The following MAN2A1 variants were observed in gnomAD, a reference collection of about 807,000 sequenced individuals.
MAN2A1 encodes the protein alpha-mannosidase 2.
MAN2A1 carries 76 observed loss-of-function variants against 142.6 expected under a neutral mutation model. That is an observed-to-expected ratio of 0.53 (90% confidence interval 0.44 to 0.65). The LOEUF is 0.65. Ranked by LOEUF, MAN2A1 falls within the 30% of genes least tolerant of loss-of-function variation. The probability of loss-of-function intolerance (pLI) is 0.00; values close to 1 mark genes in which losing one functional copy is unlikely to be tolerated. For missense variants in MAN2A1, 1,311 were observed against 1,365.1 expected, an observed-to-expected ratio of 0.96 and a Z score of 0.62; for synonymous variants, 559 against 473.2, an observed-to-expected ratio of 1.18 and a Z score of -2.35.
chr5:109,758,854 T>C (rs2112632763), intron 5 of MAN2A1, among the ~76,000 whole-genome samples: 1 of 152,048 alleles, frequency 6.6e-6, no homozygotes, highest in East Asian at 1.9e-4. Context: ...AAAAGATGAT[T>C]CTTTCCTCAC....
At chr5:109,694,122 G>T (rs1395510964) in intron 1 of MAN2A1, among the ~76,000 whole-genome samples, 1 of 152,144 alleles carries the variant, frequency 6.6e-6, no homozygotes, top group East Asian at 1.9e-4. Context: ...GTCAGGTTTT[G>T]TATAACAAAT....
intron 12 of MAN2A1, 132 bp downstream of exon 12, chr5:109,789,659 ATT>A: frequency 1.7e-6 from 1 of 604,290 alleles, no homozygotes; most frequent in Non-Finnish European, 2.9e-6. Context: ...TAAAAAATGG[ATT>A]TTCTTTCATG....
chr5:109,832,223 G>A (rs571833024), intron 16 of MAN2A1, among the ~76,000 whole-genome samples: 1 of 145,350 alleles, frequency 6.9e-6, no homozygotes, highest in Non-Finnish European at 1.5e-5. Context: ...TTCTCGGAGA[G>A]GGGGATTTGG....
At chr5:109,817,932 T>C (rs1761890426) in intron 13 of MAN2A1, among the ~76,000 whole-genome samples, 1 of 152,166 alleles carries the variant, frequency 6.6e-6, no homozygotes, top group Non-Finnish European at 1.5e-5. Context: ...GATATAATTG[T>C]GGAAAATCTG....
intron 1 of MAN2A1, among the ~76,000 whole-genome samples, chr5:109,708,434 G>A (rs572362331): frequency 6.6e-6 from 1 of 151,758 alleles, no homozygotes; most frequent in South Asian, 2.1e-4. Context: ...GGTACATGAA[G>A]TGGGTGGGGC....
Position 109,847,461 on chromosome 5 carries a change from T to C in MAN2A1, c.2843-196T>C, listed in dbSNP as rs1455262604. Among the ~76,000 whole-genome samples, 3 of 152,266 alleles carry C rather than the reference T, an allele frequency of 2.0e-5. No homozygotes were observed. The East Asian group carries it at 5.8e-4, about 29-fold the overall frequency. ...AAGAAACACAGAAATACTATCCTGT[T>C]TTATGAATTTGTAGTAGCTACTTTG... On this transcript the variant is annotated intron_variant, in intron 18 of 21. Transcript: ENST00000261483.
chr5:109,696,378 C>T (rs1483684860), intron 1 of MAN2A1, among the ~76,000 whole-genome samples: 3 of 152,174 alleles, frequency 2.0e-5, no homozygotes, highest in Admixed American at 6.5e-5. Context: ...GGATTACAGG[C>T]GTGAGCCTCT....
chr5:109,798,531 A>C (rs1225055571), intron 12 of MAN2A1, among the ~76,000 whole-genome samples: 2 of 152,200 alleles, frequency 1.3e-5, no homozygotes, highest in Non-Finnish European at 2.9e-5. Context: ...CAGATATGAC[A>C]GTTTTTTCAC....
rs1420498627 is a variant in MAN2A1 at position 109,847,688 on chromosome 5, C to T, written c.2874C>T (p.Leu958=). Residue 958 remains leucine, a synonymous_variant, in exon 19 of 22, where the codon CTC becomes CTT. Transcript: ENST00000261483. ...GQIEVIMDRR[L]MQDDNRGLEQ... ...TTGAAGTTATCATGGATCGAAGACTCATGCAAGATGATAATCGTGGCCTTG... is the reference window on the plus strand; with the variant it reads ...TTGAAGTTATCATGGATCGAAGACTTATGCAAGATGATAATCGTGGCCTTG... 3 of 1,591,506 alleles carry T rather than the reference C, an allele frequency of 1.9e-6. No individual in the cohort carries two copies. Among genetic ancestry groups the T allele is most frequent in the East Asian group, 4.6e-5 (2 of 43,464 alleles).
At chr5:109,697,692 A>G (rs2300990) in intron 1 of MAN2A1, among the ~76,000 whole-genome samples, 27,679 of 152,244 alleles carry the variant, frequency 0.18, 3,463 homozygotes, top group East Asian at 0.64. Flanking sequence ...CACAAAACCT[A>G]AAATATTTAC....
At chr5:109,771,170 T>C (rs947510522) in intron 7 of MAN2A1, among the ~76,000 whole-genome samples, 3 of 152,208 alleles carry the variant, frequency 2.0e-5, no homozygotes, top group Non-Finnish European at 4.4e-5. Context: ...AACTTACATG[T>C]AGTTTCTAAT....
In MAN2A1 at chr5:109,774,879, T is replaced by A; in HGVS notation, c.1288T>A (p.Cys430Ser). ...LAPLGDDFRY[C>S]EYTEWDLQFK... ...TCCACTAGGAGATGATTTCCGCTAC[T>A]GTGAATACACGGAATGGGATTTACA... Residue 430 changes from cysteine to serine, a missense_variant, in exon 8 of 22, where the codon TGT (cysteine) becomes AGT (serine). By Grantham distance (112) the Cys-to-Ser change is moderately radical. Transcript: ENST00000261483. The A allele has an allele frequency of 6.2e-7, 1 of 1,612,636 alleles. No individual in the cohort carries two copies. The highest frequency in any genetic ancestry group is 8.5e-7 in the Non-Finnish European group (1 of 1,178,958).
intron 1 of MAN2A1, chr5:109,699,731 TG>T: frequency 1.3e-5 from 2 of 158,286 alleles, no homozygotes. Context: ...TCACATAGAG[TG>T]GTGAGGGAGG....
intron 12 of MAN2A1, among the ~76,000 whole-genome samples, chr5:109,803,098 T>C (rs1754073810): frequency 1.3e-5 from 2 of 152,078 alleles, no homozygotes; most frequent in Admixed American, 1.3e-4. Flanking sequence ...AAATCATTCT[T>C]TTCTTCAATT....
chr5:109,755,515 A>G, intron 5 of MAN2A1, 59 bp downstream of exon 5: 1 of 1,361,394 alleles, frequency 7.3e-7, no homozygotes, highest in Non-Finnish European at 1.0e-6. Context: ...TCGGGATGTG[A>G]AGTGAGGCTC....
chr5:109,718,449 C>T (rs768495073), intron 3 of MAN2A1, among the ~76,000 whole-genome samples: 1 of 152,156 alleles, frequency 6.6e-6, no homozygotes, highest in African/African-American at 2.4e-5. Context: ...CCATGATTCA[C>T]GATGAAGGTG....
intron 8 of MAN2A1, among the ~76,000 whole-genome samples, chr5:109,777,157 A>G (rs1482506792): frequency 1.3e-5 from 2 of 152,222 alleles, no homozygotes; most frequent in East Asian, 3.9e-4. Context: ...CAGCTTTAGT[A>G]TATATTGCCA....
At chr5:109,715,519 A>G (rs1290508940) in intron 2 of MAN2A1, among the ~76,000 whole-genome samples, 2 of 152,130 alleles carry the variant, frequency 1.3e-5, no homozygotes, top group Non-Finnish European at 2.9e-5. Flanking sequence ...AATAGGATAC[A>G]TAAAAGCTAA....
rs147228077 is a variant in MAN2A1 at position 109,727,638 on chromosome 5, C to T, written c.536-1704C>T. 2.1e-3 allele frequency among the ~76,000 whole-genome samples: 317 copies of T among 152,242 alleles called. 2 individuals are homozygous for T. The highest frequency in any genetic ancestry group is 7.4e-3 in the African/African-American group (309 of 41,544). ...TTGTATACTTTACAAATTGGGTGTT[C>T]AGAATATTTTTTATTTCCCCTTTAC... On this transcript the variant is annotated intron_variant, in intron 3 of 21. Transcript: ENST00000261483.
Sources: allele counts gnomAD v4.1 joint callset (sites outside exome capture counted in the v4.1 genomes callset), GRCh38; gene constraint gnomAD v4.1.1; transcripts MANE v1.5; gene names NCBI Gene and HGNC (gene_info 2026-07-23, HGNC 2026-07-21).